Variants in SPINK9 observed in about 807,000 individuals in gnomAD.
SPINK9 encodes the protein serine protease inhibitor Kazal-type 9.
Under a neutral mutation model 10.8 loss-of-function variants are expected in SPINK9, and 3 were observed. The observed-to-expected ratio is 0.28, with a 90% confidence interval of 0.13 to 0.72. SPINK9 has a LOEUF of 0.72. Ranked by LOEUF, SPINK9 falls within the 30% of genes least tolerant of loss-of-function variation. SPINK9 has a pLI of 0.74. For missense variants in SPINK9, 101 were observed against 103.2 expected, an observed-to-expected ratio of 0.98 and a Z score of 0.09; for synonymous variants, 30 against 31.2, an observed-to-expected ratio of 0.96 and a Z score of 0.12.
intron 2 of SPINK9, among the ~76,000 whole-genome samples, chr5:148,327,222 T>C (rs527687243): frequency 1.7e-4 from 26 of 152,360 alleles, no homozygotes; most frequent in South Asian, 1.0e-3. Flanking sequence ...TGTGAGATGG[T>C]ATCTCATTGT....
At chr5:148,329,739 T>G (rs1174222925) in intron 2 of SPINK9, among the ~76,000 whole-genome samples, 1 of 152,234 alleles carries the variant, frequency 6.6e-6, no homozygotes, top group African/African-American at 2.4e-5. Context: ...AACATCTTTA[T>G]TTCTGCCTTC....
rs574207090 is a variant in SPINK9 at position 148,328,943 on chromosome 5, A to C, written c.118+5075A>C. On this transcript the variant is annotated intron_variant, in intron 2 of 4. Transcript: ENST00000511717. ...AGGATTTTTGCATCAATGTTCATCAAGGATATTGGTCTAAAATTCTCTTTT... is the reference window on the plus strand; with the variant it reads ...AGGATTTTTGCATCAATGTTCATCACGGATATTGGTCTAAAATTCTCTTTT... Among the ~76,000 whole-genome samples, 39 of 152,262 alleles carry C rather than the reference A, an allele frequency of 2.6e-4. No homozygotes were observed. In the South Asian group the frequency reaches 2.7e-3, roughly 11 times the overall value.
upstream of SPINK9, among the ~76,000 whole-genome samples, chr5:148,334,713 A>G (rs1238378912): frequency 4.0e-5 from 6 of 149,460 alleles, no homozygotes; most frequent in Admixed American, 1.3e-4. Flanking sequence ...TCTGTCTCCA[A>G]AAAAAAAAAG....
chr5:148,330,333 C>T (rs963745533), intron 2 of SPINK9, among the ~76,000 whole-genome samples: 3 of 152,104 alleles, frequency 2.0e-5, no homozygotes, highest in Non-Finnish European at 4.4e-5. Flanking sequence ...GCAACCCCTG[C>T]CTTTTTTTGT....
chr5:148,332,837 G>A (rs1408869996), upstream of SPINK9, among the ~76,000 whole-genome samples: 1 of 152,138 alleles, frequency 6.6e-6, no homozygotes, highest in Non-Finnish European at 1.5e-5. Context: ...ACAAGTCAGT[G>A]AATAAAGGTC....
intron 2 of SPINK9, among the ~76,000 whole-genome samples, chr5:148,328,982 T>C (rs1349963539): frequency 6.6e-6 from 1 of 152,196 alleles, no homozygotes; most frequent in Non-Finnish European, 1.5e-5. Context: ...GTTGTGTCTC[T>C]TCCAGGCTTT....
intron 3 of SPINK9, among the ~76,000 whole-genome samples, chr5:148,338,923 C>T (rs907697670): frequency 1.3e-5 from 2 of 152,162 alleles, no homozygotes; most frequent in African/African-American, 4.8e-5. Flanking sequence ...TCACAGTCCA[C>T]CTGGATTATT....
At chr5:148,321,741 A>G (rs576904854) in intron 1 of SPINK9, among the ~76,000 whole-genome samples, 10 of 152,218 alleles carry the variant, frequency 6.6e-5, no homozygotes, top group Admixed American at 1.3e-4. Context: ...GAAAGCATCA[A>G]TGAAGCTGAG....
chr5:148,323,801 A>T, exon 2 of SPINK9: 1 of 701,462 alleles, frequency 1.4e-6, no homozygotes, highest in Non-Finnish European at 2.6e-6. Flanking sequence ...AAACTCCACC[A>T]AGCAGCTCAG....
intron 2 of SPINK9, among the ~76,000 whole-genome samples, chr5:148,328,922 T>G (rs1457459480): frequency 6.6e-6 from 1 of 152,202 alleles, no homozygotes; most frequent in Admixed American, 6.5e-5. Context: ...TTATTGAGGA[T>G]TTTTGCATCA....
chr5:148,323,822 T>G (rs777360372), exon 2 of SPINK9: 12 of 701,644 alleles, frequency 1.7e-5, no homozygotes, highest in Non-Finnish European at 2.6e-5. Context: ...GAGAACACAA[T>G]GAACCCAGGA....
intron 2 of SPINK9, among the ~76,000 whole-genome samples, chr5:148,337,430 G>T (rs1581190717): frequency 6.6e-6 from 1 of 152,256 alleles, no homozygotes; most frequent in African/African-American, 2.4e-5. Context: ...ATTAATTAAT[G>T]AAGCACATCT....
At chr5:148,326,812 C>T (rs1483766256) in intron 2 of SPINK9, among the ~76,000 whole-genome samples, 3 of 151,126 alleles carry the variant, frequency 2.0e-5, no homozygotes, top group African/African-American at 4.9e-5. Context: ...TGGTTTCCAG[C>T]TTCATCCATG....
intron 1 of SPINK9, among the ~76,000 whole-genome samples, chr5:148,336,080 C>A (rs989488396): frequency 6.6e-6 from 1 of 152,252 alleles, no homozygotes. Flanking sequence ...GTCATCTACA[C>A]CTGTCCACAA....
At chr5:148,338,678 G>A (rs1757250072) in intron 3 of SPINK9, 73 bp downstream of exon 3, 3 of 1,173,540 alleles carry the variant, frequency 2.6e-6, no homozygotes, top group Admixed American at 2.3e-5. Context: ...AAGGTGTGAT[G>A]TAGGGCCTAA....
chr5:148,326,838 T>C (rs552379888), intron 2 of SPINK9, among the ~76,000 whole-genome samples: 2 of 152,128 alleles, frequency 1.3e-5, no homozygotes, highest in Non-Finnish European at 2.9e-5. Context: ...ACAAAGGACA[T>C]GAACTCATCA....
At chr5:148,322,224 C>T (rs1267635473) in intron 1 of SPINK9, among the ~76,000 whole-genome samples, 1 of 152,148 alleles carries the variant, frequency 6.6e-6, no homozygotes, top group Non-Finnish European at 1.5e-5. Flanking sequence ...CACAGGTATA[C>T]TCTGTAATAG....
intron 2 of SPINK9, among the ~76,000 whole-genome samples, chr5:148,338,098 C>T (rs905474305): frequency 1.3e-5 from 2 of 152,044 alleles, no homozygotes; most frequent in Non-Finnish European, 2.9e-5. Context: ...TGAGCTTTTT[C>T]AGTGAAAGAC....
chr5:148,330,763 G>A (rs1296337538), upstream of SPINK9, among the ~76,000 whole-genome samples: 2 of 152,100 alleles, frequency 1.3e-5, no homozygotes, highest in Non-Finnish European at 2.9e-5. Flanking sequence ...CTTCACTTAT[G>A]AAGCTTAGTT....
Sources: allele counts gnomAD v4.1 joint callset (sites outside exome capture counted in the v4.1 genomes callset), GRCh38; gene constraint gnomAD v4.1.1; transcripts MANE v1.5; gene names NCBI Gene and HGNC (gene_info 2026-07-23, HGNC 2026-07-21).